The following UBE2E2 variants were observed in gnomAD, a reference collection of about 807,000 sequenced individuals.
UBE2E2 encodes the protein ubiquitin-conjugating enzyme E2 E2.
In UBE2E2, 6 loss-of-function variants were observed where a neutral mutation model predicts 24.7. The observed-to-expected ratio is 0.24, with a 90% CI of 0.13 to 0.48. The LOEUF is 0.48. Among genes scored for constraint, UBE2E2 ranks in the 20% least tolerant of loss-of-function variants. The pLI is 0.99. For synonymous variants in UBE2E2, 104 were observed against 83.6 expected (o/e 1.24, Z -1.33); for missense variants, 169 against 245.0 (o/e 0.69, Z 2.07).
intron 3 of UBE2E2, among the ~76,000 whole-genome samples, chr3:23,372,116 C>CA (rs560076185): frequency 4.4e-4 from 66 of 149,872 alleles, no homozygotes; most frequent in Admixed American, 2.6e-3. Flanking sequence ...GACTCCGCCT[C>CA]AAAAAAACAA....
intron 3 of UBE2E2, among the ~76,000 whole-genome samples, chr3:23,267,302 C>A (rs533157104): frequency 6.6e-6 from 1 of 151,572 alleles, no homozygotes; most frequent in African/African-American, 2.4e-5. Flanking sequence ...ATTGATAGAC[C>A]GCTAGCAAGA....
chr3:23,361,827 A>G (rs1181356438), intron 3 of UBE2E2, among the ~76,000 whole-genome samples: 1 of 152,194 alleles, frequency 6.6e-6, no homozygotes, highest in Non-Finnish European at 1.5e-5. Flanking sequence ...AAAATAATAA[A>G]TACAATAAAA....
chr3:23,346,567 T>C (rs1463536944), intron 3 of UBE2E2, among the ~76,000 whole-genome samples: 1 of 152,244 alleles, frequency 6.6e-6, no homozygotes, highest in Non-Finnish European at 1.5e-5. Flanking sequence ...TGTTCACTGT[T>C]TCACTAAAGA....
intron 5 of UBE2E2, among the ~76,000 whole-genome samples, chr3:23,579,375 A>T (rs1696418670): frequency 7.3e-6 from 1 of 136,758 alleles, no homozygotes; most frequent in African/African-American, 2.9e-5. Flanking sequence ...ACAGAGCAAG[A>T]CTCCATCTCA....
At chr3:23,269,105 A>G (rs1440613909) in intron 3 of UBE2E2, among the ~76,000 whole-genome samples, 1 of 152,054 alleles carries the variant, frequency 6.6e-6, no homozygotes, top group Non-Finnish European at 1.5e-5. Flanking sequence ...AAACCCTAGA[A>G]GAAAACCTAG....
intron 3 of UBE2E2, among the ~76,000 whole-genome samples, chr3:23,481,253 C>A (rs1008125193): frequency 1.3e-5 from 2 of 152,192 alleles, no homozygotes; most frequent in African/African-American, 2.4e-5. Flanking sequence ...TTTAACATTT[C>A]TATCCTTTCA....
chr3:23,284,954 G>GAA (rs145146864), intron 3 of UBE2E2, among the ~76,000 whole-genome samples: 11 of 131,018 alleles, frequency 8.4e-5, no homozygotes, highest in East Asian at 2.1e-4. Context: ...CTTCTTGTTG[G>GAA]AAAAAAAAAT....
chr3:23,533,801 T>G (rs532068027), intron 5 of UBE2E2, among the ~76,000 whole-genome samples: 215 of 152,056 alleles, frequency 1.4e-3, no homozygotes, highest in African/African-American at 5.0e-3. Context: ...TTTTGTACTT[T>G]TAGTAGAGAC....
intron 3 of UBE2E2, among the ~76,000 whole-genome samples, chr3:23,497,157 A>G (rs1699618873): frequency 6.6e-6 from 1 of 152,168 alleles, no homozygotes; most frequent in Non-Finnish European, 1.5e-5. Context: ...ACAGACCTCA[A>G]TCTACAGTGT....
At chr3:23,237,449 G>T (rs1697142009) in intron 3 of UBE2E2, among the ~76,000 whole-genome samples, 2 of 152,100 alleles carry the variant, frequency 1.3e-5, no homozygotes, top group African/African-American at 2.4e-5. Flanking sequence ...TTGCTTGGTT[G>T]TCAGTATCTC....
At chr3:23,489,954 T>C (rs937692470) in intron 3 of UBE2E2, among the ~76,000 whole-genome samples, 7 of 152,154 alleles carry the variant, frequency 4.6e-5, no homozygotes, top group Non-Finnish European at 7.4e-5. Context: ...GAATCACTGC[T>C]GAAGTGAGTC....
At chr3:23,446,107 C>T (rs114155607) in intron 3 of UBE2E2, among the ~76,000 whole-genome samples, 2 of 152,298 alleles carry the variant, frequency 1.3e-5, no homozygotes, top group African/African-American at 4.8e-5. Context: ...TTCTTTATCA[C>T]ACTCGGTCAC....
At position 23,519,249 on chromosome 3, in the gene UBE2E2, GT is replaced by G. The variant is rs528694698; in HGVS notation, c.361-13294del. ...TTAAGTGCACTTCTACTTTACCAAG[GT>G]TTTTTTTTTTGCTATTTTATTCCTT... On this transcript the variant is annotated intron_variant, in intron 4 of 5. Transcript: ENST00000396703. Among the ~76,000 whole-genome samples, 194 of 146,808 alleles carry G rather than the reference GT, an allele frequency of 1.3e-3. 1 individual carries two copies. The South Asian group carries it at 0.013, about 10-fold the overall frequency.
At chr3:23,523,138 A>G (rs1694906983) in intron 4 of UBE2E2, among the ~76,000 whole-genome samples, 1 of 152,262 alleles carries the variant, frequency 6.6e-6, no homozygotes, top group African/African-American at 2.4e-5. Context: ...CATTATAGGT[A>G]TGTTCCAGAA....
chr3:23,333,079 T>C (rs960751077), intron 3 of UBE2E2, among the ~76,000 whole-genome samples: 1 of 152,176 alleles, frequency 6.6e-6, no homozygotes, highest in African/African-American at 2.4e-5. Context: ...TATCTCTATA[T>C]TGGTTCTGTT....
intron 3 of UBE2E2, among the ~76,000 whole-genome samples, chr3:23,251,937 G>T (rs147199007): frequency 6.6e-6 from 1 of 152,232 alleles, no homozygotes; most frequent in East Asian, 1.9e-4. Context: ...AATTTCCACA[G>T]CTGTCATTTT....
intron 3 of UBE2E2, among the ~76,000 whole-genome samples, chr3:23,265,780 T>C (rs1371750932): frequency 3.3e-5 from 5 of 152,222 alleles, no homozygotes; most frequent in Non-Finnish European, 4.4e-5. Context: ...TGTGGGAGTC[T>C]AAGTCTCTTT....
chr3:23,414,699 A>G (rs1338201905), intron 3 of UBE2E2, among the ~76,000 whole-genome samples: 2 of 152,176 alleles, frequency 1.3e-5, no homozygotes, highest in Non-Finnish European at 2.9e-5. Context: ...GCGCAATAAT[A>G]TTAAGAGGTG....
At chr3:23,566,145 A>G (rs990589256) in intron 5 of UBE2E2, among the ~76,000 whole-genome samples, 5 of 152,178 alleles carry the variant, frequency 3.3e-5, no homozygotes, top group African/African-American at 1.2e-4. Flanking sequence ...TTGAAAACTC[A>G]TATTTCCTCC....
Sources: allele counts gnomAD v4.1 joint callset (sites outside exome capture counted in the v4.1 genomes callset), GRCh38; gene constraint gnomAD v4.1.1; transcripts MANE v1.5; gene names NCBI Gene and HGNC (gene_info 2026-07-23, HGNC 2026-07-21).